Variants in PNOC observed in about 807,000 individuals in gnomAD.
The protein encoded by PNOC is nociceptin.
A neutral mutation model predicts 15.6 loss-of-function variants in PNOC; 10 were observed. That is an observed-to-expected ratio of 0.64 (90% CI 0.40 to 1.09). PNOC has a LOEUF of 1.09. Ranked by LOEUF, PNOC falls within the 50% of genes least tolerant of loss-of-function variation. The probability of loss-of-function intolerance (pLI) is 0.01; values close to 1 mark genes in which losing one functional copy is unlikely to be tolerated. For synonymous variants in PNOC, 98 were observed against 88.5 expected, an observed-to-expected ratio of 1.11 and a Z score of -0.60; for missense variants, 220 against 223.9, an observed-to-expected ratio of 0.98 and a Z score of 0.11.
intron 3 of PNOC, among the ~76,000 whole-genome samples, chr8:28,341,502 G>A (rs1301162143): frequency 6.6e-6 from 1 of 152,208 alleles, no homozygotes; most frequent in Non-Finnish European, 1.5e-5. Flanking sequence ...CAGGGACACT[G>A]AAGCTCATGT....
chr8:28,318,822 C>T (rs1320972321), intron 1 of PNOC, among the ~76,000 whole-genome samples: 5 of 152,236 alleles, frequency 3.3e-5, no homozygotes, highest in Admixed American at 6.5e-5. Flanking sequence ...AGGGCAGCAG[C>T]CCCTGCTTTA....
rs1337850966 is a variant in PNOC, at chr8:28,329,106, C to T, written c.-23-29C>T. The T allele has an allele frequency of 3.7e-6, 6 of 1,608,672 alleles. No individual in the cohort carries two copies. In the African/African-American group the frequency reaches 8.0e-5, roughly 21 times the overall value. On this transcript the variant is annotated intron_variant, in intron 1 of 3. Coordinates refer to ENST00000301908, the MANE Select transcript of PNOC (RefSeq NM_006228.5). ...GAGCAGCCCTCCGAGAATGGCTGTACTCATTGCCATGCTTCCTGTATGTTC... is the reference window on the plus strand; with the variant it reads ...GAGCAGCCCTCCGAGAATGGCTGTATTCATTGCCATGCTTCCTGTATGTTC...
At chr8:28,330,402 T>A (rs868522106) in intron 2 of PNOC, among the ~76,000 whole-genome samples, 2 of 131,732 alleles carry the variant, frequency 1.5e-5, no homozygotes, top group East Asian at 4.1e-4. Flanking sequence ...TTTTATTTTT[T>A]TTTTTTTTTT....
At chr8:28,335,084 G>T (rs1239043734) in intron 2 of PNOC, among the ~76,000 whole-genome samples, 2 of 152,198 alleles carry the variant, frequency 1.3e-5, no homozygotes, top group African/African-American at 2.4e-5. Context: ...GACTTGGACA[G>T]GTTGCTTCTT....
At position 28,320,092 on chromosome 8, in the gene PNOC, C is replaced by CTTTTTTTTTTTTTTTTTTTT. The variant is rs34876964; in HGVS notation, c.-24+2786_-24+2805dup. Among the ~76,000 whole-genome samples, 6 of 29,728 alleles carry CTTTTTTTTTTTTTTTTTTTT rather than the reference C, an allele frequency of 2.0e-4. 1 individual carries two copies. The highest frequency in any genetic ancestry group is 3.5e-4 in the Non-Finnish European group (6 of 16,924). The allele number at this position is 29,728 out of a possible 152,430, so 19.5% of individuals were successfully genotyped here. ...TGTTTGTTTCTTTCTTTCTTTCTTT[C>CTTTTTTTTTTTTTTTTTTTT]TTTTTTTTTTTTTTTTTTTTTTTTT... On this transcript the variant is annotated intron_variant, in intron 1 of 3. Coordinates refer to ENST00000301908, the MANE Select transcript of PNOC (RefSeq NM_006228.5).
intron 2 of PNOC, among the ~76,000 whole-genome samples, chr8:28,330,647 C>T (rs538421134): frequency 1.5e-4 from 20 of 131,256 alleles, no homozygotes; most frequent in South Asian, 1.5e-3. Context: ...ATGATCCACC[C>T]GCCTCAGCCT....
chr8:28,319,965 G>T (rs1460553901), intron 1 of PNOC, among the ~76,000 whole-genome samples: 1 of 151,940 alleles, frequency 6.6e-6, no homozygotes, highest in Admixed American at 6.6e-5. Context: ...ATGAGATTTG[G>T]AGCACATCGA....
chr8:28,317,534 C>A (rs953650654), intron 1 of PNOC, among the ~76,000 whole-genome samples: 1 of 152,150 alleles, frequency 6.6e-6, no homozygotes, highest in African/African-American at 2.4e-5. Flanking sequence ...TTTTTAACCT[C>A]AGACAGACGC....
intron 1 of PNOC, among the ~76,000 whole-genome samples, chr8:28,326,870 C>T (rs1198931640): frequency 6.6e-6 from 1 of 152,012 alleles, no homozygotes; most frequent in African/African-American, 2.4e-5. Flanking sequence ...AAAACAAAAA[C>T]AAAAACAAAA....
At chr8:28,321,107 T>C (rs1801144928) in intron 1 of PNOC, among the ~76,000 whole-genome samples, 1 of 151,950 alleles carries the variant, frequency 6.6e-6, no homozygotes, top group African/African-American at 2.4e-5. Flanking sequence ...GGCACAATCA[T>C]AGCTCACTGC....
chr8:28,335,853 C>A (rs1013642182), intron 2 of PNOC, among the ~76,000 whole-genome samples: 7 of 151,898 alleles, frequency 4.6e-5, no homozygotes, highest in Non-Finnish European at 1.0e-4. Flanking sequence ...AAAAGCTCTG[C>A]AGGTGATTGG....
chr8:28,336,806 C>T (rs1290234806), intron 2 of PNOC, among the ~76,000 whole-genome samples: 1 of 151,742 alleles, frequency 6.6e-6, no homozygotes, highest in African/African-American at 2.4e-5. Context: ...CTAAGAGGCA[C>T]TTAGGCGGTG....
At chr8:28,321,158 C>A (rs1023690516) in intron 1 of PNOC, among the ~76,000 whole-genome samples, 1 of 151,604 alleles carries the variant, frequency 6.6e-6, no homozygotes, top group African/African-American at 2.4e-5. Flanking sequence ...CCTGCCTCAA[C>A]CTTCTGAATA....
intron 2 of PNOC, among the ~76,000 whole-genome samples, chr8:28,337,461 G>A (rs1036504597): frequency 2.6e-5 from 4 of 151,808 alleles, no homozygotes; most frequent in African/African-American, 4.8e-5. Flanking sequence ...CACCACACCC[G>A]TCTAATTTTT....
intron 2 of PNOC, among the ~76,000 whole-genome samples, chr8:28,336,027 T>C (rs2129894263): frequency 6.6e-6 from 1 of 152,138 alleles, no homozygotes. Flanking sequence ...CCTGCAACAG[T>C]GCGCATGCTA....
In PNOC at chr8:28,343,125, TA is replaced by T. The variant is rs1801553650; in HGVS notation, c.*232del. The T allele has an allele frequency of 3.2e-6, 1 of 311,210 alleles. No homozygotes were observed. The highest frequency in any genetic ancestry group is 2.3e-5 in the African/African-American group (1 of 44,424). 19.3% of individuals were successfully genotyped at this position (311,210 alleles called of 1,614,324 possible). A position where few individuals can be genotyped will look rare whatever the true frequency, so the allele number is the denominator to read the frequency against. ...GCATGTTTCACCACAACCCTGTTGCTACATCAGAGTGTATTTTTGTAATTCC... is the reference window on the plus strand; with the variant it reads ...GCATGTTTCACCACAACCCTGTTGCTCATCAGAGTGTATTTTTGTAATTCC... On this transcript the variant is annotated 3_prime_UTR_variant, in exon 4 of 4. Coordinates refer to ENST00000301908, the MANE Select transcript of PNOC (RefSeq NM_006228.5).
At chr8:28,318,724 T>C (rs1477628071) in intron 1 of PNOC, among the ~76,000 whole-genome samples, 3 of 152,210 alleles carry the variant, frequency 2.0e-5, no homozygotes, top group Admixed American at 2.0e-4. Context: ...TCACCACCTC[T>C]GTAAAAGCAT....
chr8:28,331,122 C>T (rs2614109), intron 2 of PNOC, among the ~76,000 whole-genome samples: 49,273 of 151,680 alleles, frequency 0.32, 9,812 homozygotes, highest in Non-Finnish European at 0.45. Flanking sequence ...CTCTTGGGCT[C>T]AGTGGTTTTC....
intron 2 of PNOC, 81 bp from the exon 3 acceptor site, chr8:28,338,959 A>C: frequency 3.1e-6 from 4 of 1,290,006 alleles, no homozygotes. Context: ...GCACTGGTGC[A>C]GTGGGCCAGA....
Sources: gnomAD v4.1 joint callset for allele counts (sites outside exome capture counted in the v4.1 genomes callset) on GRCh38, gnomAD v4.1.1 for gene constraint, MANE v1.5 for transcripts, NCBI Gene and HGNC (gene_info 2026-07-23, HGNC 2026-07-21) for gene names.